The following ADAP1 variants were observed in gnomAD, a reference collection of about 807,000 sequenced individuals.
ADAP1 encodes the protein ArfGAP with dual PH domains 1, also known as arf-GAP with dual PH domain-containing protein 1.
ADAP1 carries 31 observed loss-of-function variants against 54.9 expected under a neutral mutation model. The ratio of observed to expected loss-of-function variants is 0.56; its 90% CI spans 0.42 to 0.76. The LOEUF (loss-of-function observed/expected upper bound fraction) is 0.76, where lower values mean the gene tolerates loss of function less well. Among genes scored for constraint, ADAP1 ranks in the 30% least tolerant of loss-of-function variants. ADAP1 has a pLI of 0.00. For missense variants in ADAP1, 535 were observed against 512.4 expected (o/e 1.04, Z -0.42); for synonymous variants, 313 against 202.6 (o/e 1.55, Z -4.63).
At chr7:910,882 T>C (rs1845695294) in intron 4 of ADAP1, among the ~76,000 whole-genome samples, 1 of 152,096 alleles carries the variant, frequency 6.6e-6, no homozygotes, top group African/African-American at 2.4e-5. Context: ...GGCCTTTGGG[T>C]CCTAGTGGCT....
rs958313052 is a variant in ADAP1, at chr7:914,837, G to A, written c.388+5131C>T. ...CCTGCTGGTCCCCAGGCACTTGGCC[G>A]TCTGAAGCAGCCAGGCCTTCGTGCC... is the stretch of plus-strand genomic sequence containing the variant. On this transcript the variant is annotated intron_variant, in intron 4 of 10. Coordinates refer to ENST00000265846, the MANE Select transcript of ADAP1 (RefSeq NM_006869.4). 3.9e-5 allele frequency among the ~76,000 whole-genome samples: 6 copies of A among 152,106 alleles called. No individual in the cohort carries two copies. The South Asian group carries it at 6.2e-4, about 16-fold the overall frequency.
intron 4 of ADAP1, 23 bp from the exon 5 acceptor site, chr7:905,195 G>A (rs751671252): frequency 1.9e-6 from 3 of 1,588,500 alleles, no homozygotes; most frequent in African/African-American, 2.7e-5. Flanking sequence ...GGGGACACGA[G>A]TCGGTGACAG....
intron 2 of ADAP1, among the ~76,000 whole-genome samples, chr7:931,570 C>T (rs1332308368): frequency 2.6e-5 from 4 of 152,104 alleles, no homozygotes; most frequent in Middle Eastern, 3.4e-3. Flanking sequence ...TTGGGCTGGG[C>T]GGGGGTAAGA....
At position 945,740 on chromosome 7, in the gene ADAP1, T is replaced by G. The variant is rs1361803625; in HGVS notation, c.82+8656A>C. 5.1e-6 allele frequency: 5 copies of G among 985,826 alleles called. No homozygotes were observed. Among genetic ancestry groups the G allele is most frequent in the Non-Finnish European group, 6.0e-6 (5 of 830,230 alleles). The allele number at this position is 985,826 out of a possible 1,614,324, so 61.1% of individuals were successfully genotyped here. A position where few individuals can be genotyped will look rare whatever the true frequency, so the allele number is the denominator to read the frequency against. On this transcript the variant is annotated intron_variant, in intron 1 of 10. Transcript: ENST00000265846. The surrounding 1 kb of genome is among the most constrained non-coding windows in gnomAD (Gnocchi z 4.2). ...GCCGCCAGCCTCTTTCCCTCCCTCC[T>G]CCCAGCCCCGCTCTGCCCTACCTGC...
At chr7:924,132 C>T (rs1846290205) in intron 3 of ADAP1, among the ~76,000 whole-genome samples, 1 of 48,276 alleles carries the variant, frequency 2.1e-5, no homozygotes, top group Admixed American at 1.9e-4. Flanking sequence ...CTGCACCCCC[C>T]GCCCTCCGGG....
At chr7:903,269 T>C (rs1052246949) in intron 6 of ADAP1, among the ~76,000 whole-genome samples, 2 of 152,104 alleles carry the variant, frequency 1.3e-5, no homozygotes, top group African/African-American at 4.8e-5. Context: ...CAGGGTCAGA[T>C]GCCAGCGGAG....
intron 4 of ADAP1, among the ~76,000 whole-genome samples, chr7:919,293 C>T (rs1449252202): frequency 1.3e-5 from 2 of 152,162 alleles, no homozygotes; most frequent in Non-Finnish European, 2.9e-5. Context: ...AGACAGGGGT[C>T]CCTGCAGGCC....
chr7:951,223 A>G (rs1344609289), intron 1 of ADAP1, among the ~76,000 whole-genome samples: 2 of 151,910 alleles, frequency 1.3e-5, no homozygotes, highest in East Asian at 1.9e-4. Context: ...AAATACAAAA[A>G]TTAGCCGGGC....
intron 3 of ADAP1, among the ~76,000 whole-genome samples, chr7:921,465 G>A (rs1381960948): frequency 6.6e-6 from 1 of 152,224 alleles, no homozygotes; most frequent in East Asian, 1.9e-4. Context: ...GGCTAGAGGT[G>A]TGCACCACCA....
At chr7:900,471 C>A in intron 7 of ADAP1, 62 bp downstream of exon 7, 1 of 1,494,034 alleles carries the variant, frequency 6.7e-7, no homozygotes, top group South Asian at 1.2e-5. Flanking sequence ...ACGAGGGCTC[C>A]GTCCACCCCC....
chr7:910,338 C>T (rs932122103), intron 4 of ADAP1, among the ~76,000 whole-genome samples: 3 of 152,044 alleles, frequency 2.0e-5, no homozygotes, highest in Non-Finnish European at 4.4e-5. Context: ...CAGCCTTGAC[C>T]TTCCGGGCTC....
At chr7:911,137 G>A (rs1410950378) in intron 4 of ADAP1, among the ~76,000 whole-genome samples, 12 of 152,182 alleles carry the variant, frequency 7.9e-5, no homozygotes, top group Admixed American at 4.6e-4. Context: ...TCCCAGCTTC[G>A]CCCTGCGTGG....
At chr7:908,459 C>A (rs1845571500) in intron 4 of ADAP1, among the ~76,000 whole-genome samples, 1 of 152,326 alleles carries the variant, frequency 6.6e-6, no homozygotes, top group Non-Finnish European at 1.5e-5. Flanking sequence ...GCTCCCCGCT[C>A]CCCAAGCCTC....
chr7:954,988 C>T (rs558802763), upstream of ADAP1, among the ~76,000 whole-genome samples: 1 of 152,300 alleles, frequency 6.6e-6, no homozygotes, highest in African/African-American at 2.4e-5. Flanking sequence ...GCCGAGCCCC[C>T]CAAGACCATG....
intron 1 of ADAP1, among the ~76,000 whole-genome samples, chr7:944,781 C>A (rs1183396628): frequency 6.6e-6 from 1 of 152,174 alleles, no homozygotes; most frequent in Non-Finnish European, 1.5e-5. Flanking sequence ...TGACAATCGT[C>A]ACCCTGTTGT....
At position 900,587 on chromosome 7, in the gene ADAP1, T is replaced by C. The variant is rs1294625243; in HGVS notation, c.678A>G (p.Arg226=). ...CCTGCAGGTAGTGGAAGCGAGCAGC[T>C]CGGAGTGCATTGAACCAGTCCACAA... The part of the protein sequence containing the change: ...KEIVDWFNAL[R]AARFHYLQVA... The change falls in exon 7 of 11, where the codon CGA becomes CGG. Residue 226 remains arginine, a synonymous_variant. Transcript: ENST00000265846. 2 of 1,609,986 alleles carry C rather than the reference T, an allele frequency of 1.2e-6. No homozygotes were observed. Among genetic ancestry groups the C allele is most frequent in the Admixed American group, 1.7e-5 (1 of 59,668 alleles).
chr7:925,160 C>T (rs1321243155), intron 3 of ADAP1, among the ~76,000 whole-genome samples: 1 of 152,022 alleles, frequency 6.6e-6, no homozygotes, highest in Admixed American at 6.6e-5. Flanking sequence ...CCTCGTGACC[C>T]CAATAACAAA....
chr7:914,279 C>T (rs1021002619), intron 4 of ADAP1, among the ~76,000 whole-genome samples: 1 of 152,236 alleles, frequency 6.6e-6, no homozygotes, highest in Non-Finnish European at 1.5e-5. Flanking sequence ...CTTCCCAAGC[C>T]CCGAGCTTCC....
At chr7:907,696 C>T (rs1845530409) in intron 4 of ADAP1, among the ~76,000 whole-genome samples, 2 of 152,324 alleles carry the variant, frequency 1.3e-5, no homozygotes, top group Middle Eastern at 3.4e-3. Flanking sequence ...CCCTGGCTGT[C>T]CCGCCCCAAC....
Sources: allele counts gnomAD v4.1 joint callset (sites outside exome capture counted in the v4.1 genomes callset), GRCh38; gene constraint gnomAD v4.1.1; non-coding constraint Gnocchi (gnomAD v3.1); transcripts MANE v1.5; gene names NCBI Gene and HGNC (gene_info 2026-07-23, HGNC 2026-07-21).